Variants in FAM107B observed in about 807,000 individuals in gnomAD.
FAM107B encodes the protein protein FAM107B.
In FAM107B, 21 loss-of-function variants were observed where a neutral mutation model predicts 31.5. That is an observed-to-expected ratio of 0.67 (90% CI 0.47 to 0.96). FAM107B has a LOEUF of 0.96. Among genes scored for constraint, FAM107B ranks in the 40% least tolerant of loss-of-function variants. The pLI, the probability that FAM107B is intolerant of heterozygous loss-of-function variation, is 0.00. For missense variants in FAM107B, 452 were observed against 377.1 expected (o/e 1.20, Z -1.64); for synonymous variants, 157 against 141.5 (o/e 1.11, Z -0.78).
intron 1 of FAM107B, among the ~76,000 whole-genome samples, chr10:14,721,498 C>A (rs1446892510): frequency 6.6e-6 from 1 of 152,200 alleles, no homozygotes. Context: ...CACATCCTCT[C>A]CAGCATCTGT....
intron 1 of FAM107B, among the ~76,000 whole-genome samples, chr10:14,726,652 T>C (rs909991423): frequency 3.3e-5 from 5 of 152,176 alleles, no homozygotes; most frequent in African/African-American, 7.2e-5. Context: ...CTTGATCCTA[T>C]GTAGGAAGTA....
chr10:14,663,825 T>C (rs912836791), intron 2 of FAM107B, among the ~76,000 whole-genome samples: 2 of 125,778 alleles, frequency 1.6e-5, no homozygotes, highest in African/African-American at 6.2e-5. Flanking sequence ...CTCCTACGAA[T>C]ATGAATACAA....
rs189262460 is a variant in FAM107B, at chr10:14,693,708, C to T, written c.412-26017G>A. Among the ~76,000 whole-genome samples the T allele has an allele frequency of 1.6e-3, 239 of 152,136 alleles. 3 individuals carry two copies. Among genetic ancestry groups the T allele is most frequent in the Admixed American group, 0.015 (230 of 15,278 alleles). On this transcript the variant is annotated intron_variant, in intron 1 of 4. Coordinates refer to ENST00000181796, the MANE Select transcript of FAM107B (RefSeq NM_031453.4). ...ACATAACATTCCTAGACATGTTATCCTACGTATCTGCTACTTTGTACCCAC... is the reference window on the plus strand; with the variant it reads ...ACATAACATTCCTAGACATGTTATCTTACGTATCTGCTACTTTGTACCCAC...
At chr10:14,641,237 G>T (rs758405351) in intron 2 of FAM107B, among the ~76,000 whole-genome samples, 2 of 152,152 alleles carry the variant, frequency 1.3e-5, no homozygotes, top group Non-Finnish European at 2.9e-5. Flanking sequence ...CAATTTCCAA[G>T]CTATATATTA....
intron 1 of FAM107B, among the ~76,000 whole-genome samples, chr10:14,727,706 C>T (rs1260246820): frequency 6.6e-6 from 1 of 152,222 alleles, no homozygotes; most frequent in Non-Finnish European, 1.5e-5. Flanking sequence ...ACAGACTTCC[C>T]TTCCTCGAAT....
intron 2 of FAM107B, among the ~76,000 whole-genome samples, chr10:14,582,455 C>A (rs1851669037): frequency 6.7e-6 from 1 of 148,290 alleles, no homozygotes; most frequent in Non-Finnish European, 1.5e-5. Context: ...CTGCTCACGG[C>A]AACCTCCGCC....
At chr10:14,637,195 C>T (rs960941153) in intron 2 of FAM107B, among the ~76,000 whole-genome samples, 1 of 152,128 alleles carries the variant, frequency 6.6e-6, no homozygotes, top group Non-Finnish European at 1.5e-5. Context: ...TTATTTCTAA[C>T]ACCATGCCCC....
intron 2 of FAM107B, chr10:14,604,148 G>A: frequency 2.0e-5 from 16 of 796,916 alleles, no homozygotes; most frequent in Non-Finnish European, 2.4e-5. Context: ...CCCGCCGAGA[G>A]GGTCCCCGGA....
chr10:14,693,047 G>A (rs541486126), intron 1 of FAM107B, among the ~76,000 whole-genome samples: 4 of 152,196 alleles, frequency 2.6e-5, no homozygotes, highest in Non-Finnish European at 5.9e-5. Context: ...AATCAACCAA[G>A]TCAACCCAGC....
intron 1 of FAM107B, among the ~76,000 whole-genome samples, chr10:14,706,967 A>G (rs1670450718): frequency 6.6e-6 from 1 of 151,940 alleles, no homozygotes; most frequent in Non-Finnish European, 1.5e-5. Context: ...TCTACTAAAA[A>G]TAGAAAAATT....
At chr10:14,747,484 T>TTTGTTGATGCTGTTGTTG (rs1308232629) in intron 1 of FAM107B, among the ~76,000 whole-genome samples, 5 of 152,202 alleles carry the variant, frequency 3.3e-5, no homozygotes, top group African/African-American at 4.8e-5. Context: ...TAAGGATTTT[T>TTTGTTGATGCTGTTGTTG]TTGTTGATGC....
intron 1 of FAM107B, among the ~76,000 whole-genome samples, chr10:14,761,752 C>A (rs1425015292): frequency 6.6e-6 from 1 of 152,070 alleles, no homozygotes; most frequent in East Asian, 1.9e-4. Context: ...TGTGCTCCAC[C>A]ACACCTGGCT....
chr10:14,709,564 C>A lies in FAM107B; in HGVS notation c.412-41873G>T, dbSNP rs186671941. Among the ~76,000 whole-genome samples, 16 of 152,312 alleles carry A rather than the reference C, an allele frequency of 1.1e-4. No homozygotes were observed. In the East Asian group the frequency reaches 2.9e-3, roughly 28 times the overall value. On this transcript the variant is annotated intron_variant, in intron 1 of 4. Coordinates refer to ENST00000181796, the MANE Select transcript of FAM107B (RefSeq NM_031453.4). The stretch of plus-strand genomic sequence containing the variant: ...GCCCCCATGATTCAATTACCTCCCA[C>A]GTGGTTCTTCCCACAACATGTGGCA...
chr10:14,762,238 C>T (rs2131592022), intron 1 of FAM107B, among the ~76,000 whole-genome samples: 1 of 152,238 alleles, frequency 6.6e-6, no homozygotes, highest in Admixed American at 6.5e-5. Context: ...TGACCAAAAG[C>T]CAAGTTCATG....
intron 1 of FAM107B, among the ~76,000 whole-genome samples, chr10:14,695,844 G>A (rs1045389156): frequency 1.2e-4 from 19 of 152,146 alleles, no homozygotes; most frequent in Middle Eastern, 3.2e-3. Flanking sequence ...CAACTTTACT[G>A]AATTCACTTA....
At chr10:14,526,414 G>T (rs180678802) in intron 3 of FAM107B, among the ~76,000 whole-genome samples, 1 of 152,328 alleles carries the variant, frequency 6.6e-6, no homozygotes. Flanking sequence ...GACCTCAGGT[G>T]ATCTGCCTGC....
intron 2 of FAM107B, among the ~76,000 whole-genome samples, chr10:14,656,974 G>A (rs1300373222): frequency 1.3e-5 from 2 of 152,122 alleles, no homozygotes; most frequent in East Asian, 3.9e-4. Flanking sequence ...GACTACTGAG[G>A]TGTCCCATGG....
At chr10:14,659,551 C>T (rs1854172037) in intron 2 of FAM107B, among the ~76,000 whole-genome samples, 1 of 152,114 alleles carries the variant, frequency 6.6e-6, no homozygotes. Flanking sequence ...TTTTTCTCAC[C>T]TTCCTACCTC....
chr10:14,767,449 G>A (rs1322127905), intron 1 of FAM107B, among the ~76,000 whole-genome samples: 1 of 151,924 alleles, frequency 6.6e-6, no homozygotes, highest in Non-Finnish European at 1.5e-5. Flanking sequence ...GAAAACTGCA[G>A]CATATTAAAA....
Sources: allele counts gnomAD v4.1 joint callset (sites outside exome capture counted in the v4.1 genomes callset), GRCh38; gene constraint gnomAD v4.1.1; transcripts MANE v1.5; gene names NCBI Gene and HGNC (gene_info 2026-07-23, HGNC 2026-07-21).